Variants in CPE observed in about 807,000 individuals in gnomAD.
CPE encodes the protein carbocypeptidase E.
CPE carries 17 observed loss-of-function variants against 53.5 expected under a neutral mutation model. The ratio of observed to expected loss-of-function variants is 0.32; its 90% CI spans 0.22 to 0.48. The LOEUF (loss-of-function observed/expected upper bound fraction) is 0.48, where lower values mean the gene tolerates loss of function less well. CPE is among the 20% of genes least tolerant of loss of function. The probability of loss-of-function intolerance (pLI) is 0.99; values close to 1 mark genes in which losing one functional copy is unlikely to be tolerated. For missense variants in CPE, 524 were observed against 614.7 expected, an observed-to-expected ratio of 0.85 and a Z score of 1.56; for synonymous variants, 226 against 228.8, an observed-to-expected ratio of 0.99 and a Z score of 0.11.
chr4:165,470,158 T>C (rs980281081), intron 3 of CPE, among the ~76,000 whole-genome samples: 4 of 152,088 alleles, frequency 2.6e-5, no homozygotes, highest in African/African-American at 9.7e-5. Flanking sequence ...TATTAAAAAG[T>C]TTAGAGCATG....
At chr4:165,461,091 C>T (rs762347099) in intron 1 of CPE, among the ~76,000 whole-genome samples, 54 of 145,482 alleles carry the variant, frequency 3.7e-4, no homozygotes, top group Non-Finnish European at 6.6e-4. Flanking sequence ...CACCTGAGCC[C>T]GGGAGGTCGA....
intron 1 of CPE, among the ~76,000 whole-genome samples, chr4:165,426,801 C>T (rs910199737): frequency 7.2e-5 from 11 of 152,200 alleles, no homozygotes; most frequent in African/African-American, 2.4e-4. Flanking sequence ...GAGGTATCAG[C>T]CAGAGTTTTT....
At position 165,430,049 on chromosome 4, in the gene CPE, AAT is replaced by A. The variant is rs1491022753; in HGVS notation, c.308-34339_308-34338del. 3.6e-4 allele frequency among the ~76,000 whole-genome samples: 55 copies of A among 151,140 alleles called. 1 individual carries two copies. Among genetic ancestry groups the A allele is most frequent in the South Asian group, 4.2e-4 (2 of 4,738 alleles). The stretch of plus-strand genomic sequence containing the variant: ...TGAAAGCTGAATGGAAATATCAAAA[AAT>A]AAAAATAAAAATAATGCCCTTATTA... On this transcript the variant is annotated intron_variant, in intron 1 of 8. Coordinates refer to ENST00000402744, the MANE Select transcript of CPE (RefSeq NM_001873.4).
intron 1 of CPE, among the ~76,000 whole-genome samples, chr4:165,409,487 G>C (rs1260160001): frequency 6.6e-6 from 1 of 152,166 alleles, no homozygotes; most frequent in Non-Finnish European, 1.5e-5. Flanking sequence ...TATAGGCTGA[G>C]CCGCTGCACC....
intron 1 of CPE, among the ~76,000 whole-genome samples, chr4:165,425,344 A>T (rs202130950): frequency 4.6e-5 from 7 of 151,968 alleles, no homozygotes; most frequent in African/African-American, 1.7e-4. Context: ...TGTTAAAAAA[A>T]ATTACTATTT....
At chr4:165,447,022 G>T (rs1024960302) in intron 1 of CPE, among the ~76,000 whole-genome samples, 1 of 152,136 alleles carries the variant, frequency 6.6e-6, no homozygotes, top group African/African-American at 2.4e-5. Flanking sequence ...AACCCGTCTG[G>T]CATATTACTG....
At chr4:165,396,670 C>CAA (rs55987493) in intron 1 of CPE, among the ~76,000 whole-genome samples, 35,215 of 133,164 alleles carry the variant, frequency 0.26, 4,552 homozygotes, top group East Asian at 0.46. Context: ...GATTCTGTCT[C>CAA]AAAAAAAAAA....
At chr4:165,490,047 A>C (rs1013642138) in intron 6 of CPE, among the ~76,000 whole-genome samples, 1 of 152,248 alleles carries the variant, frequency 6.6e-6, no homozygotes, top group Non-Finnish European at 1.5e-5. Flanking sequence ...GAGGGCTGCC[A>C]GAAGTTCTGT....
intron 1 of CPE, chr4:165,405,233 G>T: frequency 1.2e-6 from 1 of 819,174 alleles, no homozygotes; most frequent in Non-Finnish European, 2.2e-6. Context: ...GGAGACTTGG[G>T]CAATGCCTGC....
At chr4:165,392,422 A>G (rs1014030253) in intron 1 of CPE, among the ~76,000 whole-genome samples, 6 of 145,940 alleles carry the variant, frequency 4.1e-5, no homozygotes, top group African/African-American at 1.5e-4. Flanking sequence ...ATCTTTGGGT[A>G]TTAATGAGAG....
rs1033217112 is a variant in CPE at position 165,379,096 on chromosome 4, G to A, written c.-126G>A. 5.9e-6 allele frequency: 5 copies of A among 845,260 alleles called. No individual in the cohort carries two copies. The highest frequency in any genetic ancestry group is 7.7e-6 in the Non-Finnish European group (5 of 647,374). 52.4% of individuals were successfully genotyped at this position (845,260 alleles called of 1,614,324 possible). The stretch of plus-strand genomic sequence containing the variant: ...TGACACTCATTCAGCCGGGGAAGGT[G>A]AGGCGAGTAGAGGCTGGTGCGGAAC... On this transcript the variant is annotated 5_prime_UTR_variant, in exon 1 of 9. Transcript: ENST00000402744. The surrounding 1 kb of genome is among the most constrained non-coding windows in gnomAD (Gnocchi z 6.0).
rs192613010 is a variant in CPE, at chr4:165,441,728, T to C, written c.308-22662T>C. 6.6e-5 allele frequency among the ~76,000 whole-genome samples: 10 copies of C among 152,340 alleles called. No homozygotes were observed. In the East Asian group the frequency reaches 1.9e-3, roughly 29 times the overall value. On this transcript the variant is annotated intron_variant, in intron 1 of 8. Transcript: ENST00000402744. Reference sequence around the variant, plus strand: ...TAAGCAAGATAGAGGGCATGAATTATGGTTGAGGACTTATGCATATTTTGA... The same window carrying C: ...TAAGCAAGATAGAGGGCATGAATTACGGTTGAGGACTTATGCATATTTTGA...
At chr4:165,419,051 G>A (rs1180572510) in intron 1 of CPE, among the ~76,000 whole-genome samples, 1 of 152,156 alleles carries the variant, frequency 6.6e-6, no homozygotes, top group Non-Finnish European at 1.5e-5. Context: ...TTCTGGTGGT[G>A]TGCAACTTGA....
At chr4:165,446,206 A>T (rs1731711291) in intron 1 of CPE, among the ~76,000 whole-genome samples, 1 of 152,176 alleles carries the variant, frequency 6.6e-6, no homozygotes, top group African/African-American at 2.4e-5. Flanking sequence ...AAGCCATTTA[A>T]GAAGAGTTGG....
In CPE at chr4:165,447,580, AAAAAG is replaced by A. The variant is rs1016195517; in HGVS notation, c.308-16786_308-16782del. Among the ~76,000 whole-genome samples, 769 of 151,808 alleles carry A rather than the reference AAAAAG, an allele frequency of 5.1e-3. 5 individuals carry two copies. Among genetic ancestry groups the A allele is most frequent in the African/African-American group, 0.017 (689 of 41,420 alleles). ...AGGGAGACTCTGTCTTTAAAAAAAA[AAAAAG>A]AAAAGAAAAGAAAAGAAAAGAAATA... On this transcript the variant is annotated intron_variant, in intron 1 of 8. Transcript: ENST00000402744.
chr4:165,422,259 G>C (rs1348610842), intron 1 of CPE, among the ~76,000 whole-genome samples: 3 of 151,468 alleles, frequency 2.0e-5, no homozygotes, highest in African/African-American at 7.3e-5. Flanking sequence ...TTTAAATAAA[G>C]AGCTTAGGAA....
intron 1 of CPE, among the ~76,000 whole-genome samples, chr4:165,444,015 C>G (rs947739414): frequency 1.3e-5 from 2 of 152,176 alleles, no homozygotes; most frequent in Non-Finnish European, 2.9e-5. Context: ...TTGACCTTGG[C>G]CATCCTAGCA....
intron 1 of CPE, among the ~76,000 whole-genome samples, chr4:165,382,655 T>G (rs1730521408): frequency 6.6e-6 from 1 of 152,206 alleles, no homozygotes; most frequent in African/African-American, 2.4e-5. Context: ...AAAAAGCCCT[T>G]TCTTGTGGTA....
rs901593108 is a variant in CPE at position 165,379,771 on chromosome 4, C to T, written c.307+243C>T. Among the ~76,000 whole-genome samples, 2 of 152,196 alleles carry T rather than the reference C, an allele frequency of 1.3e-5. No individual in the cohort carries two copies. Among genetic ancestry groups the T allele is most frequent in the African/African-American group, 4.8e-5 (2 of 41,472 alleles). On this transcript the variant is annotated intron_variant, in intron 1 of 8. Transcript: ENST00000402744. The surrounding 1 kb of genome is among the most constrained non-coding windows in gnomAD (Gnocchi z 6.0). ...CCCCCCAGCACCAATCCCATCTCCCCAGACCTTAGGCCACCCTCTAGTAAG... is the reference window on the plus strand; with the variant it reads ...CCCCCCAGCACCAATCCCATCTCCCTAGACCTTAGGCCACCCTCTAGTAAG...
Sources: allele counts gnomAD v4.1 joint callset (sites outside exome capture counted in the v4.1 genomes callset), GRCh38; gene constraint gnomAD v4.1.1; non-coding constraint Gnocchi (gnomAD v3.1); transcripts MANE v1.5; gene names NCBI Gene and HGNC (gene_info 2026-07-23, HGNC 2026-07-21).